The following CSMD3 variants were observed in gnomAD, a reference collection of about 807,000 sequenced individuals.
CSMD3 encodes CUB and Sushi multiple domains 3, also known as CUB and sushi domain-containing protein 3.
Under a neutral mutation model 435.2 loss-of-function variants are expected in CSMD3, and 177 were observed. The observed-to-expected ratio is 0.41, with a 90% confidence interval of 0.36 to 0.46. The LOEUF (loss-of-function observed/expected upper bound fraction) is 0.46, where lower values mean the gene tolerates loss of function less well. Among genes scored for constraint, CSMD3 ranks in the 20% least tolerant of loss-of-function variants. CSMD3 has a pLI of 0.34. For synonymous variants in CSMD3, 1,656 were observed against 1,520.5 expected (o/e 1.09, Z -2.07); for missense variants, 4,265 against 4,504.6 (o/e 0.95, Z 1.52).
At chr8:112,681,553 G>C (rs532383556) in intron 16 of CSMD3, among the ~76,000 whole-genome samples, 1 of 151,640 alleles carries the variant, frequency 6.6e-6, no homozygotes, top group Non-Finnish European at 1.5e-5. Flanking sequence ...CATAATCTGA[G>C]ATTTCATATG....
chr8:113,316,724 A>T (rs1283873523), intron 1 of CSMD3, among the ~76,000 whole-genome samples: 1 of 151,752 alleles, frequency 6.6e-6, no homozygotes, highest in African/African-American at 2.4e-5. Flanking sequence ...TAATTTTTGT[A>T]CTTTTAGTAG....
chr8:113,273,224 T>TA (rs1283526776), intron 3 of CSMD3, among the ~76,000 whole-genome samples: 2 of 152,048 alleles, frequency 1.3e-5, no homozygotes, highest in East Asian at 3.8e-4. Context: ...TATGTGAACT[T>TA]AAGTGACTTC....
At chr8:112,367,038 C>T (rs144030891) in intron 38 of CSMD3, among the ~76,000 whole-genome samples, 492 of 152,070 alleles carry the variant, frequency 3.2e-3, no homozygotes, top group Non-Finnish European at 5.1e-3. Flanking sequence ...ATATTTATTA[C>T]CTTGCTTTGT....
intron 32 of CSMD3, among the ~76,000 whole-genome samples, chr8:112,432,672 T>C (rs970596586): frequency 6.6e-6 from 1 of 151,912 alleles, no homozygotes; most frequent in African/African-American, 2.4e-5. Context: ...ACTAGTAAGG[T>C]ATAGGATAGG....
chr8:112,634,349 T>C (rs2074598495), intron 22 of CSMD3, among the ~76,000 whole-genome samples: 1 of 151,876 alleles, frequency 6.6e-6, no homozygotes, highest in Non-Finnish European at 1.5e-5. Context: ...AAGAAAAAAG[T>C]TCAAAAAAAT....
intron 13 of CSMD3, among the ~76,000 whole-genome samples, chr8:112,795,018 T>C (rs1052391337): frequency 1.5e-4 from 23 of 152,164 alleles, no homozygotes; most frequent in Non-Finnish European, 2.8e-4. Flanking sequence ...TATTTACTTT[T>C]AAGTAAAAAC....
intron 10 of CSMD3, among the ~76,000 whole-genome samples, chr8:112,907,690 T>C (rs1343343575): frequency 6.6e-6 from 1 of 151,280 alleles, no homozygotes; most frequent in East Asian, 1.9e-4. Flanking sequence ...TTTAGAACAG[T>C]GTTTATGATT....
intron 52 of CSMD3, among the ~76,000 whole-genome samples, chr8:112,303,528 C>T (rs938283791): frequency 5.9e-5 from 9 of 151,996 alleles, no homozygotes; most frequent in African/African-American, 2.2e-4. Flanking sequence ...GCACTCCAGC[C>T]TGGCAGACAG....
At chr8:112,585,420 T>C (rs1830649644) in intron 23 of CSMD3, among the ~76,000 whole-genome samples, 1 of 151,132 alleles carries the variant, frequency 6.6e-6, no homozygotes, top group African/African-American at 2.4e-5. Flanking sequence ...TTTTTTTTTT[T>C]CTGCCTTCTT....
intron 13 of CSMD3, among the ~76,000 whole-genome samples, chr8:112,703,334 C>T (rs2076431372): frequency 6.6e-6 from 1 of 151,974 alleles, no homozygotes; most frequent in East Asian, 1.9e-4. Flanking sequence ...ACTGGGAGGT[C>T]AGAGGAAATA....
intron 3 of CSMD3, among the ~76,000 whole-genome samples, chr8:113,236,143 T>A (rs574488246): frequency 6.6e-6 from 1 of 152,200 alleles, no homozygotes; most frequent in Admixed American, 6.5e-5. Context: ...AGATTTTATA[T>A]GCTAATGATA....
intron 31 of CSMD3, among the ~76,000 whole-genome samples, chr8:112,484,005 G>A (rs1269215164): frequency 2.0e-5 from 3 of 152,204 alleles, no homozygotes; most frequent in Admixed American, 6.5e-5. Flanking sequence ...CAAGGTGGAT[G>A]TGGTCCTCTA....
At chr8:112,946,662 T>A (rs2130792067) in intron 9 of CSMD3, among the ~76,000 whole-genome samples, 1 of 151,922 alleles carries the variant, frequency 6.6e-6, no homozygotes, top group African/African-American at 2.4e-5. Flanking sequence ...AAGATTTAGT[T>A]GATTTTAATA....
chr8:112,951,838 A>G (rs754766082), intron 8 of CSMD3, among the ~76,000 whole-genome samples: 1 of 151,518 alleles, frequency 6.6e-6, no homozygotes, highest in Admixed American at 6.6e-5. Flanking sequence ...TAATTCCACA[A>G]TAATATTCTA....
At chr8:112,518,970 AAC>A (rs932140920) in intron 27 of CSMD3, among the ~76,000 whole-genome samples, 1 of 152,006 alleles carries the variant, frequency 6.6e-6, no homozygotes, top group African/African-American at 2.4e-5. Context: ...ATCTCATGAG[AAC>A]ACACTCTCTA....
At chr8:112,963,461 CTT>C (rs2084307805) in intron 7 of CSMD3, among the ~76,000 whole-genome samples, 1 of 152,000 alleles carries the variant, frequency 6.6e-6, no homozygotes, top group Non-Finnish European at 1.5e-5. Context: ...TTCAACATCT[CTT>C]AATTTTTTTA....
At chr8:113,373,931 A>C (rs1020502612) in intron 1 of CSMD3, among the ~76,000 whole-genome samples, 15 of 152,106 alleles carry the variant, frequency 9.9e-5, no homozygotes, top group Non-Finnish European at 2.2e-4. Context: ...ATGACATCTC[A>C]CTTCTGTGAA....
intron 2 of CSMD3, among the ~76,000 whole-genome samples, chr8:113,307,302 C>A (rs1486410532): frequency 6.6e-6 from 1 of 152,082 alleles, no homozygotes; most frequent in East Asian, 1.9e-4. Flanking sequence ...GTTGTTATTT[C>A]TAGGATTCCT....
chr8:113,212,229 A>G (rs1326610714), intron 3 of CSMD3, among the ~76,000 whole-genome samples: 1 of 152,156 alleles, frequency 6.6e-6, no homozygotes, highest in Non-Finnish European at 1.5e-5. Flanking sequence ...GTTATCAAAG[A>G]CAATAGATTA....
Sources: allele counts gnomAD v4.1 joint callset (sites outside exome capture counted in the v4.1 genomes callset), GRCh38; gene constraint gnomAD v4.1.1; transcripts MANE v1.5; gene names NCBI Gene and HGNC (gene_info 2026-07-23, HGNC 2026-07-21).